WASF2: variants seen among roughly 807,000 people sequenced by gnomAD.
The protein encoded by WASF2 is WASP family member 2.
WASF2 carries 14 observed loss-of-function variants against 45.0 expected under a neutral mutation model. That is an observed-to-expected ratio of 0.31 (90% CI 0.21 to 0.49). The LOEUF (loss-of-function observed/expected upper bound fraction) is 0.49. Ranked by LOEUF, WASF2 falls within the 20% of genes least tolerant of loss-of-function variation. The pLI is 0.99. For missense variants in WASF2, 439 were observed against 636.1 expected (o/e 0.69, Z 3.33); for synonymous variants, 200 against 236.3 (o/e 0.85, Z 1.41).
intron 7 of WASF2, among the ~76,000 whole-genome samples, chr1:27,411,979 A>G (rs1290908923): frequency 6.6e-6 from 1 of 152,212 alleles, no homozygotes; most frequent in Non-Finnish European, 1.5e-5. Flanking sequence ...TAGGTTCTGG[A>G]GTTCAACTGA....
intron 5 of WASF2, among the ~76,000 whole-genome samples, chr1:27,415,676 C>T (rs1273694285): frequency 6.6e-6 from 1 of 152,162 alleles, no homozygotes; most frequent in Non-Finnish European, 1.5e-5. Flanking sequence ...ACTAGCCTAG[C>T]TTGAGTGTCC....
At chr1:27,450,454 C>A (rs1239259333) in intron 1 of WASF2, among the ~76,000 whole-genome samples, 1 of 152,126 alleles carries the variant, frequency 6.6e-6, no homozygotes, top group African/African-American at 2.4e-5. Flanking sequence ...TTGTCCCACC[C>A]ATCTACCCAC....
chr1:27,424,348 C>G, intron 2 of WASF2, among the ~76,000 whole-genome samples: 1 of 152,200 alleles, frequency 6.6e-6, no homozygotes, highest in East Asian at 1.9e-4. Context: ...CCTGTGCCCC[C>G]ACTACCCACA....
At position 27,404,561 on chromosome 1, in the gene WASF2, T is replaced by C. The variant is rs569321160; in HGVS notation, c.*3628A>G. 227 of 152,150 alleles carry C rather than the reference T, an allele frequency of 1.5e-3. 1 individual carries two copies. Among genetic ancestry groups the C allele is most frequent in the African/African-American group, 5.0e-3 (208 of 41,510 alleles). 9.4% of individuals were successfully genotyped at this position (152,150 alleles called of 1,614,324 possible). On this transcript the variant is annotated 3_prime_UTR_variant, in exon 9 of 9. Coordinates refer to ENST00000618852, the MANE Select transcript of WASF2 (RefSeq NM_006990.5). ...TTTCAAACGGCATCCCTACTACACA[T>C]ATACCCCCCTTCCCTAAAATCTTGA...
chr1:27,474,918 C>T (rs1399693136), intron 1 of WASF2, among the ~76,000 whole-genome samples: 3 of 152,150 alleles, frequency 2.0e-5, no homozygotes, highest in Non-Finnish European at 4.4e-5. Context: ...CACCACTGCA[C>T]TCCAGCCTAG....
chr1:27,465,327 C>A (rs527780870), intron 1 of WASF2, among the ~76,000 whole-genome samples: 1 of 152,310 alleles, frequency 6.6e-6, no homozygotes, highest in East Asian at 1.9e-4. Flanking sequence ...CATTTCAAGT[C>A]TAATTTACAT....
chr1:27,426,088 G>GGCAGGTCTT (rs1461150653), intron 2 of WASF2, among the ~76,000 whole-genome samples: 1 of 152,106 alleles, frequency 6.6e-6, no homozygotes, highest in East Asian at 1.9e-4. Flanking sequence ...TAGAAAGGAA[G>GGCAGGTCTT]GCAGGTCTTG....
chr1:27,469,200 G>T (rs891987908), intron 1 of WASF2, among the ~76,000 whole-genome samples: 1 of 152,146 alleles, frequency 6.6e-6, no homozygotes, highest in Non-Finnish European at 1.5e-5. Context: ...AATGATCTAA[G>T]GGGGATGAGG....
At chr1:27,422,039 GAAA>G (rs571828598) in intron 2 of WASF2, among the ~76,000 whole-genome samples, 1 of 140,138 alleles carries the variant, frequency 7.1e-6, no homozygotes, top group Admixed American at 7.1e-5. Flanking sequence ...TCTGGAGGGG[GAAA>G]AAAAAAAAAC....
intron 6 of WASF2, among the ~76,000 whole-genome samples, chr1:27,413,171 G>A (rs1051641001): frequency 6.6e-6 from 1 of 152,326 alleles, no homozygotes; most frequent in African/African-American, 2.4e-5. Context: ...AGCCTCTGGA[G>A]AGCTCGAAGG....
chr1:27,425,473 C>T (rs1274767794), intron 2 of WASF2, among the ~76,000 whole-genome samples: 7 of 152,144 alleles, frequency 4.6e-5, no homozygotes, highest in Non-Finnish European at 1.0e-4. Flanking sequence ...GAGGCTGAGG[C>T]GGTTGGATCA....
At chr1:27,461,401 G>A (rs943546957) in intron 1 of WASF2, among the ~76,000 whole-genome samples, 14 of 150,758 alleles carry the variant, frequency 9.3e-5, no homozygotes, top group Admixed American at 7.3e-4. Flanking sequence ...GTGCAGTGGC[G>A]CTACCATGAC....
At chr1:27,458,852 G>T (rs546422440) in intron 1 of WASF2, among the ~76,000 whole-genome samples, 1 of 151,802 alleles carries the variant, frequency 6.6e-6, no homozygotes, top group Non-Finnish European at 1.5e-5. Context: ...GCAGCCGAGC[G>T]CAGAGGCTCA....
chr1:27,412,589 A>G lies in WASF2; in HGVS notation c.807T>C (p.Pro269=). 1.2e-6 allele frequency: 2 copies of G among 1,614,146 alleles called. No individual in the cohort carries two copies. Among genetic ancestry groups the G allele is most frequent in the Non-Finnish European group, 1.7e-6 (2 of 1,180,020 alleles). The change falls in exon 7 of 9, where the codon CCT becomes CCC. Residue 269 remains proline (P), a synonymous_variant. Coordinates refer to ENST00000618852, the MANE Select transcript of WASF2 (RefSeq NM_006990.5). ...CCATTTACCTGAATTCTGCTGGTGG[A>G]GGAGGCAAGTTGTCCTCGGAGAAGG... ...SPSFSEDNLP[P]PPAEFSYPVD...
intron 1 of WASF2, among the ~76,000 whole-genome samples, chr1:27,489,250 G>GCACACA (rs1023392585): frequency 1.1e-4 from 12 of 111,594 alleles, no homozygotes; most frequent in African/African-American, 4.7e-4. Flanking sequence ...TCCTGTACGC[G>GCACACA]CGCACACACA....
intron 1 of WASF2, among the ~76,000 whole-genome samples, chr1:27,486,280 A>ACCCC: frequency 6.6e-6 from 1 of 152,302 alleles, no homozygotes; most frequent in East Asian, 1.9e-4. Context: ...TTCTTTTCTA[A>ACCCC]AACCCCAAAA....
chr1:27,456,553 T>C (rs2017470349), intron 1 of WASF2, among the ~76,000 whole-genome samples: 1 of 151,948 alleles, frequency 6.6e-6, no homozygotes, highest in Admixed American at 6.6e-5. Context: ...GAAAGTGAAA[T>C]TTAGAACTGA....
intron 1 of WASF2, among the ~76,000 whole-genome samples, chr1:27,476,159 C>T (rs181252981): frequency 3.9e-5 from 6 of 152,282 alleles, no homozygotes; most frequent in Admixed American, 1.3e-4. Context: ...CTACTGTTTA[C>T]GAGGCCTTAG....
At chr1:27,433,876 A>G (rs925968731) in intron 1 of WASF2, among the ~76,000 whole-genome samples, 8 of 152,230 alleles carry the variant, frequency 5.3e-5, no homozygotes, top group African/African-American at 1.9e-4. Context: ...AAACCAGTGA[A>G]GTGGTGGTTC....
Sources: gnomAD v4.1 joint callset for allele counts (sites outside exome capture counted in the v4.1 genomes callset) on GRCh38, gnomAD v4.1.1 for gene constraint, MANE v1.5 for transcripts, NCBI Gene and HGNC (gene_info 2026-07-23, HGNC 2026-07-21) for gene names.